Variants in KIF21B observed in about 807,000 individuals in gnomAD.
KIF21B encodes the protein kinesin family member 21B, also known as kinesin-like protein KIF21B.
A neutral mutation model predicts 192.9 loss-of-function variants in KIF21B; 85 were observed. The observed-to-expected ratio is 0.44, with a 90% CI of 0.37 to 0.53. The LOEUF (loss-of-function observed/expected upper bound fraction) is 0.53, where lower values mean the gene tolerates loss of function less well. Among genes scored for constraint, KIF21B ranks in the 20% least tolerant of loss-of-function variants. The pLI, the probability that KIF21B is intolerant of heterozygous loss-of-function variation, is 0.00. For missense variants in KIF21B, 1,716 were observed against 2,194.8 expected (o/e 0.78, Z 4.36); for synonymous variants, 832 against 884.6 (o/e 0.94, Z 1.05).
At position 200,975,917 on chromosome 1, in the gene KIF21B, G is replaced by C. The variant is rs115638445; in HGVS notation, c.4444-248C>G. 6.6e-6 allele frequency among the ~76,000 whole-genome samples: 1 copy of C among 152,084 alleles called. No homozygotes were observed. The highest frequency in any genetic ancestry group is 2.4e-5 in the African/African-American group (1 of 41,394). The stretch of plus-strand genomic sequence containing the variant: ...GGATACTGGGGCAGGGGTGGGAGGA[G>C]ACCAACTCAAGTAATGCAGGGGTGA... On this transcript the variant is annotated intron_variant, in intron 32 of 34. Transcript: ENST00000461742. This position sits in a 1 kb window ranked among gnomAD's most constrained non-coding sequence, Gnocchi z 4.3.
chr1:200,973,961 A>T, intron 34 of KIF21B: 1 of 1,541,950 alleles, frequency 6.5e-7, no homozygotes, highest in South Asian at 1.2e-5. Flanking sequence ...GCCAGGCAGG[A>T]CAGGAAGGGA....
chr1:201,020,772 C>A (rs1242024829), intron 1 of KIF21B, among the ~76,000 whole-genome samples: 3 of 151,436 alleles, frequency 2.0e-5, no homozygotes, highest in Non-Finnish European at 4.4e-5. Flanking sequence ...CCTGGCACTT[C>A]TCACCTAGTC....
chr1:201,010,427 T>A (rs1254893045), intron 1 of KIF21B, among the ~76,000 whole-genome samples: 1 of 152,048 alleles, frequency 6.6e-6, no homozygotes, highest in Non-Finnish European at 1.5e-5. Context: ...ACTATCTCCA[T>A]CCAGCCACCC....
In KIF21B at chr1:201,000,331, G is replaced by T; in HGVS notation, c.1685+59C>A. The stretch of plus-strand genomic sequence containing the variant: ...TGGGCAGCAGTCCTCCTTGGGGACG[G>T]GCAGGGTCCACTGGGGCGGTCTGAG... On this transcript the variant is annotated intron_variant, in intron 11 of 34. Transcript: ENST00000461742. This position sits in a 1 kb window ranked among gnomAD's most constrained non-coding sequence, Gnocchi z 6.0. 6.8e-7 allele frequency: 1 copy of T among 1,472,530 alleles called. No homozygotes were observed. 91.2% of individuals were successfully genotyped at this position (1,472,530 alleles called of 1,614,324 possible).
At chr1:200,976,193 C>T (rs1011649236) in intron 32 of KIF21B, among the ~76,000 whole-genome samples, 7 of 152,126 alleles carry the variant, frequency 4.6e-5, no homozygotes, top group African/African-American at 9.7e-5. Context: ...CGGGTTCAAG[C>T]GATTCTCCTC....
intron 34 of KIF21B, 22 bp downstream of exon 34, chr1:200,974,692 G>A: frequency 6.2e-7 from 1 of 1,612,506 alleles, no homozygotes; most frequent in Non-Finnish European, 8.5e-7. Flanking sequence ...AGCAGAGGCA[G>A]ACCTCTCTGA....
At chr1:200,989,917 C>A in intron 21 of KIF21B, 25 bp downstream of exon 21, 1 of 1,581,870 alleles carries the variant, frequency 6.3e-7, no homozygotes, top group Non-Finnish European at 8.7e-7. Context: ...ATAGAGCCCC[C>A]TGCCCATGTA....
intron 15 of KIF21B, among the ~76,000 whole-genome samples, chr1:200,993,830 C>T (rs1358965792): frequency 7.8e-6 from 1 of 128,814 alleles, no homozygotes; most frequent in Non-Finnish European, 1.6e-5. Context: ...TAATGGCCAG[C>T]AGGGTCAGCT....
In KIF21B at chr1:200,976,875, C is replaced by A; in HGVS notation, c.4344G>T (p.Lys1448Asn). 1.2e-6 allele frequency: 2 copies of A among 1,609,894 alleles called. No individual in the cohort carries two copies. The highest frequency in any genetic ancestry group is 1.7e-6 in the Non-Finnish European group (2 of 1,176,920). ...WELSRFQPVGKLTGHIGPVMC... is the reference protein window; with the variant it reads ...WELSRFQPVGNLTGHIGPVMC... ...TCACAGGGCCGATGTGGCCAGTCAG[C>A]TTGCCGACAGGCTGGAACCTGCAGT... The change falls in exon 32 of 35, where the codon AAG (lysine) becomes AAT (asparagine). Residue 1448 changes from lysine to asparagine, a missense_variant. By Grantham distance (94) the Lys-to-Asn change is moderately conservative. This residue lies in a region of KIF21B where 580 missense variants were observed against 775.5 expected (regional missense o/e 0.75). Coordinates refer to ENST00000461742, the MANE Select transcript of KIF21B (RefSeq NM_001252102.2).
At chr1:201,004,305 C>A (rs1231268450) in intron 7 of KIF21B, 35 bp downstream of exon 7, 1 of 1,509,448 alleles carries the variant, frequency 6.6e-7, no homozygotes. Context: ...TCCCTGCCTC[C>A]CCTGTCCCTT....
At chr1:201,012,678 T>A (rs1291576853) in intron 1 of KIF21B, among the ~76,000 whole-genome samples, 1 of 146,198 alleles carries the variant, frequency 6.8e-6, no homozygotes, top group Non-Finnish European at 1.5e-5. Context: ...AGTCTCACCT[T>A]GTTGCCCCAG....
intron 1 of KIF21B, among the ~76,000 whole-genome samples, chr1:201,022,249 G>A (rs1274639092): frequency 6.6e-6 from 1 of 152,178 alleles, no homozygotes; most frequent in Non-Finnish European, 1.5e-5. Flanking sequence ...AGGACCCCTG[G>A]AATCTGGGTC....
chr1:201,013,372 C>A (rs547588146), intron 1 of KIF21B, among the ~76,000 whole-genome samples: 1 of 152,198 alleles, frequency 6.6e-6, no homozygotes, highest in Non-Finnish European at 1.5e-5. Context: ...TTGGTGAGGT[C>A]ACTTCTGTGG....
chr1:201,000,859 G>C lies in KIF21B; in HGVS notation c.1403-79C>G. ...GCGGTGGCTCAGACCTATAATTCCA[G>C]CACTTTGGGAGGCCAAGGCGGGCGG... is the stretch of plus-strand genomic sequence containing the variant. On this transcript the variant is annotated intron_variant, in intron 9 of 34. Coordinates refer to ENST00000461742, the MANE Select transcript of KIF21B (RefSeq NM_001252102.2). This position sits in a 1 kb window ranked among gnomAD's most constrained non-coding sequence, Gnocchi z 6.0. 2.7e-6 allele frequency: 4 copies of C among 1,491,338 alleles called. No individual in the cohort carries two copies. In the South Asian group the frequency reaches 3.4e-5, roughly 13 times the overall value. The allele number at this position is 1,491,338 out of a possible 1,614,324, so 92.4% of individuals were successfully genotyped here. A position where few individuals can be genotyped will look rare whatever the true frequency, so the allele number is the denominator to read the frequency against.
At chr1:201,007,049 GACAC>G (rs1213941198) in intron 3 of KIF21B, among the ~76,000 whole-genome samples, 6 of 68,434 alleles carry the variant, frequency 8.8e-5, no homozygotes, top group Admixed American at 1.6e-4. Flanking sequence ...GAGACACATA[GACAC>G]ACACACACAC....
Position 201,005,560 on chromosome 1 carries a change from G to A in KIF21B, c.582C>T (p.Ile194=). 1 of 1,613,714 alleles carries A rather than the reference G, an allele frequency of 6.2e-7. No individual in the cohort carries two copies. The highest frequency in any genetic ancestry group is 8.5e-7 in the Non-Finnish European group (1 of 1,179,696). The change falls in exon 4 of 35, where the codon ATC becomes ATT. Residue 194 remains isoleucine (I), a synonymous_variant. Transcript: ENST00000461742. ...IYTTGVTSRL[I]HSQEELIQCL... ...AGAGGCTCACCTCCTCCTGGGAGTG[G>A]ATGAGGCGAGAAGTGACGCCAGTGG...
At chr1:201,010,291 A>G (rs1267216670) in intron 1 of KIF21B, among the ~76,000 whole-genome samples, 1 of 152,156 alleles carries the variant, frequency 6.6e-6, no homozygotes, top group South Asian at 2.1e-4. Context: ...TCCCTTGTGA[A>G]GGGCAGGGAC....
intron 1 of KIF21B, among the ~76,000 whole-genome samples, chr1:201,016,031 C>T (rs995030967): frequency 1.3e-5 from 2 of 152,162 alleles, no homozygotes; most frequent in Non-Finnish European, 2.9e-5. Context: ...TTTATGTACA[C>T]GAACACATGA....
In KIF21B at chr1:200,981,095, C is replaced by T; in HGVS notation, c.3844G>A (p.Gly1282Ser). The change falls in exon 29 of 35, where the codon GGC (glycine) becomes AGC (serine). Residue 1282 changes from glycine to serine, a missense_variant and splice_region_variant. Coordinates refer to ENST00000461742, the MANE Select transcript of KIF21B (RefSeq NM_001252102.2). ...GCTCCTCCAACCGGGGAGATGATGC[C>T]CCTTCCCGGGAGAGAGGGAGAGAAG... ...SDSSLSEVLR[G>S]IISPVGGAKG... 5 of 1,588,926 alleles carry T rather than the reference C, an allele frequency of 3.1e-6. No individual in the cohort carries two copies. Among genetic ancestry groups the T allele is most frequent in the Non-Finnish European group, 4.3e-6 (5 of 1,171,844 alleles).
Sources: gnomAD v4.1 joint callset for allele counts (sites outside exome capture counted in the v4.1 genomes callset) on GRCh38, gnomAD v4.1.1 for gene constraint, gnomAD v4.1.1 regional missense constraint, Gnocchi (gnomAD v3.1) non-coding constraint, MANE v1.5 for transcripts, NCBI Gene and HGNC (gene_info 2026-07-23, HGNC 2026-07-21) for gene names.